Variants in CAMSAP3 observed in about 807,000 individuals in gnomAD.
CAMSAP3 encodes the protein calmodulin regulated spectrin associated protein family member 3, also known as calmodulin-regulated spectrin-associated protein 3.
CAMSAP3 carries 34 observed loss-of-function variants against 112.5 expected under a neutral mutation model. The ratio of observed to expected loss-of-function variants is 0.30; its 90% confidence interval spans 0.23 to 0.40. CAMSAP3 has a LOEUF of 0.40. CAMSAP3 is among the 10% of genes least tolerant of loss of function. CAMSAP3 has a pLI of 1.00. For synonymous variants in CAMSAP3, 868 were observed against 799.8 expected (o/e 1.09, Z -1.44); for missense variants, 1,602 against 1,770.3 (o/e 0.90, Z 1.71).
At chr19:7,603,645 C>T (rs182535184) in intron 1 of CAMSAP3, among the ~76,000 whole-genome samples, 55 of 151,940 alleles carry the variant, frequency 3.6e-4, no homozygotes, top group African/African-American at 1.3e-3. Flanking sequence ...CCAGGAAATT[C>T]GAAACCAGCC....
intron 11 of CAMSAP3, among the ~76,000 whole-genome samples, chr19:7,613,767 C>T (rs543886580): frequency 7.2e-5 from 11 of 152,146 alleles, no homozygotes; most frequent in South Asian, 4.1e-4. Flanking sequence ...TCCTTCACCC[C>T]CTCGCCCCCA....
chr19:7,617,827 A>T lies in CAMSAP3; in HGVS notation c.3520A>T (p.Thr1174Ser). ...GAGCTGCCAGTTCCGGGCGCTCTAC[A>T]CGCTGTCGGGGGAGACAGAGGAGCT... ...DSSCQFRALY[T>S]LSGETEELSR... The change falls in exon 17 of 17, where the codon ACG becomes TCG. Residue 1174 changes from threonine (T) to serine (S), a missense_variant. This residue lies in a region of CAMSAP3 where 150 missense variants were observed against 207.6 expected (regional missense o/e 0.72). Coordinates refer to ENST00000160298, the MANE Select transcript of CAMSAP3 (RefSeq NM_020902.2). The surrounding 1 kb of genome is among the most constrained non-coding windows in gnomAD (Gnocchi z 7.5). The T allele has an allele frequency of 1.2e-6, 2 of 1,613,894 alleles. No individual in the cohort carries two copies. Among genetic ancestry groups the T allele is most frequent in the Non-Finnish European group, 1.7e-6 (2 of 1,180,016 alleles).
intron 1 of CAMSAP3, among the ~76,000 whole-genome samples, chr19:7,597,838 G>T (rs1277269455): frequency 6.6e-6 from 1 of 152,156 alleles, no homozygotes; most frequent in East Asian, 1.9e-4. Context: ...AGGGGTGTTG[G>T]TGAGCTCCCA....
chr19:7,618,010 G>A lies in CAMSAP3; in HGVS notation c.3703G>A (p.Gly1235Ser). ...CACCATCCAGGGACACCTCTGGCAG[G>A]GCAAGAAACCCACCACTCCCAAGAA... ...AFTIQGHLWQ[G>S]KKPTTPKKGG... The change falls in exon 17 of 17, where the codon GGC (glycine) becomes AGC (serine). Residue 1235 changes from glycine to serine, a missense_variant. By Grantham distance (56) the Gly-to-Ser change is moderately conservative. Transcript: ENST00000160298. 1 of 1,614,026 alleles carries A rather than the reference G, an allele frequency of 6.2e-7. No individual in the cohort carries two copies. Among genetic ancestry groups the A allele is most frequent in the Middle Eastern group, 1.7e-4 (1 of 6,058 alleles).
At chr19:7,605,172 G>GTGTGTGTGTGTGTGTGTGTGTT in intron 1 of CAMSAP3, 54 bp from the exon 2 acceptor site, 1 of 1,236,422 alleles carries the variant, frequency 8.1e-7, no homozygotes, top group Non-Finnish European at 1.1e-6. Flanking sequence ...GTGTGTGTGT[G>GTGTGTGTGTGTGTGTGTGTGTT]TGTGTTGTAT....
chr19:7,605,275 G>T lies in CAMSAP3; in HGVS notation c.198G>T (p.Ala66=), dbSNP rs775060609. ...AGCCCTTCTATACCGACCAGTACGCGCAGGAGCATGTGAAGCCCCCGGTGA... is the reference window on the plus strand; with the variant it reads ...AGCCCTTCTATACCGACCAGTACGCTCAGGAGCATGTGAAGCCCCCGGTGA... ...LWEPFYTDQY[A]QEHVKPPVTR... The change falls in exon 2 of 17, where the codon GCG becomes GCT. Residue 66 remains alanine, a synonymous_variant. Transcript: ENST00000160298. 31 of 1,610,186 alleles carry T rather than the reference G, an allele frequency of 1.9e-5. No individual in the cohort carries two copies. Among genetic ancestry groups the T allele is most frequent in the Middle Eastern group, 1.7e-4 (1 of 6,048 alleles).
At chr19:7,602,062 A>G (rs2029993298) in intron 1 of CAMSAP3, among the ~76,000 whole-genome samples, 2 of 107,240 alleles carry the variant, frequency 1.9e-5, no homozygotes, top group South Asian at 4.7e-4. Flanking sequence ...AGATTGTCTC[A>G]AAAAAAAAAG....
Position 7,612,088 on chromosome 19 carries a change from G to C in CAMSAP3, c.1595G>C (p.Cys532Ser). The C allele has an allele frequency of 6.2e-7, 1 of 1,609,058 alleles. No individual in the cohort carries two copies. The highest frequency in any genetic ancestry group is 1.1e-5 in the South Asian group (1 of 90,994). Reference sequence around the variant, plus strand: ...GAGACCCCCTCGAAACCATCTCCCTGTCTGGTGGGGGAGGCATCGAAACCG... The same window carrying C: ...GAGACCCCCTCGAAACCATCTCCCTCTCTGGTGGGGGAGGCATCGAAACCG... ...HPETPSKPSP[C>S]LVGEASKPPA... The change falls in exon 11 of 17, where the codon TGT becomes TCT. Residue 532 changes from cysteine (C) to serine (S), a missense_variant. By Grantham distance (112) the Cys-to-Ser change is moderately radical. Coordinates refer to ENST00000160298, the MANE Select transcript of CAMSAP3 (RefSeq NM_020902.2).
chr19:7,600,855 CATCCATCCACCCACCCATTCATCCATTT>C (rs2029931373), intron 1 of CAMSAP3, among the ~76,000 whole-genome samples: 1 of 129,162 alleles, frequency 7.7e-6, no homozygotes, highest in African/African-American at 2.9e-5. Context: ...TTCATCCATC[CATCCATCCACCCACCCATTCATCCATTT>C]ATCCATCCAT....
intron 2 of CAMSAP3, 115 bp from the exon 3 acceptor site, chr19:7,606,156 A>ATACCC: frequency 4.4e-6 from 1 of 224,848 alleles, no homozygotes; most frequent in East Asian, 1.2e-4. Flanking sequence ...CTCAAGCCCC[A>ATACCC]CCCCCCCCGT....
chr19:7,611,056 G>A lies in CAMSAP3; in HGVS notation c.1050-39G>A. 6.2e-7 allele frequency: 1 copy of A among 1,611,102 alleles called. No individual in the cohort carries two copies. Among genetic ancestry groups the A allele is most frequent in the Non-Finnish European group, 8.5e-7 (1 of 1,177,720 alleles). On this transcript the variant is annotated intron_variant, in intron 8 of 16. Coordinates refer to ENST00000160298, the MANE Select transcript of CAMSAP3 (RefSeq NM_020902.2). This position sits in a 1 kb window ranked among gnomAD's most constrained non-coding sequence, Gnocchi z 6.9. ...CCCCCCGGGGAGAGGCGGAGGAGGA[G>A]GTGGGGGTCCTGAGGCTGAAGTACG...
Position 7,617,729 on chromosome 19 carries a change from C to G in CAMSAP3, c.3445-23C>G, listed in dbSNP as rs569691226. 1.2e-6 allele frequency: 2 copies of G among 1,612,184 alleles called. No individual in the cohort carries two copies. The highest frequency in any genetic ancestry group is 1.1e-5 in the South Asian group (1 of 90,998). On this transcript the variant is annotated intron_variant, in intron 16 of 16. Coordinates refer to ENST00000160298, the MANE Select transcript of CAMSAP3 (RefSeq NM_020902.2). The surrounding 1 kb of genome is among the most constrained non-coding windows in gnomAD (Gnocchi z 7.5). ...TGGGTGGCCTGACTTGGCCAGCTGA[C>G]CATTTCCAGCACTCCTGCCCAGGAA...
chr19:7,614,070 G>C (rs2030646930), intron 11 of CAMSAP3, among the ~76,000 whole-genome samples: 1 of 151,858 alleles, frequency 6.6e-6, no homozygotes, highest in African/African-American at 2.4e-5. Context: ...GACCATCCTG[G>C]CTAACATGGT....
rs780550825 is a variant in CAMSAP3 at position 7,616,533 on chromosome 19, G to A, written c.3123G>A (p.Leu1041=). Residue 1041 remains leucine, a synonymous_variant, in exon 14 of 17, where the codon CTG becomes CTA. Transcript: ENST00000160298. ...SPARGLLGSR[L]SKIYSQSTLS... ...AATCTCTGTCCCCAGGCTCTCGGCT[G>A]AGCAAAATCTATTCCCAGTCCACCC... 3.1e-6 allele frequency: 5 copies of A among 1,613,186 alleles called. No individual in the cohort carries two copies. The East Asian group carries it at 6.7e-5, about 22-fold the overall frequency.
intron 1 of CAMSAP3, among the ~76,000 whole-genome samples, chr19:7,603,406 G>A (rs952668525): frequency 7.2e-5 from 11 of 151,884 alleles, no homozygotes; most frequent in Admixed American, 5.2e-4. Context: ...GTAGAGATGG[G>A]GTTTCACCAT....
In CAMSAP3 at chr19:7,610,346, C is replaced by G; in HGVS notation, c.761-130C>G. ...AAAAAAAAAAAAAGAATTCACCTCT[C>G]GAAGGGCACCTGGCAGAAGCTGGGC... On this transcript the variant is annotated intron_variant, in intron 5 of 16. Transcript: ENST00000160298. The surrounding 1 kb of genome is among the most constrained non-coding windows in gnomAD (Gnocchi z 4.9). The G allele has an allele frequency of 2.6e-6, 2 of 768,116 alleles. No homozygotes were observed. Among genetic ancestry groups the G allele is most frequent in the Non-Finnish European group, 4.2e-6 (2 of 477,810 alleles). 47.6% of individuals were successfully genotyped at this position (768,116 alleles called of 1,614,324 possible).
chr19:7,607,958 T>G lies in CAMSAP3; in HGVS notation c.622-168T>G, dbSNP rs2030301724. The stretch of plus-strand genomic sequence containing the variant: ...TGCTCGAAGACATCTCCTCTGCCTC[T>G]TGCTGCTGCCCCTCCCCTGCTCCAG... On this transcript the variant is annotated intron_variant, in intron 4 of 16. Coordinates refer to ENST00000160298, the MANE Select transcript of CAMSAP3 (RefSeq NM_020902.2). This position sits in a 1 kb window ranked among gnomAD's most constrained non-coding sequence, Gnocchi z 4.9. 1 of 877,286 alleles carries G rather than the reference T, an allele frequency of 1.1e-6. No individual in the cohort carries two copies. The highest frequency in any genetic ancestry group is 1.7e-5 in the African/African-American group (1 of 58,904). 54.3% of individuals were successfully genotyped at this position (877,286 alleles called of 1,614,324 possible).
chr19:7,611,256 C>A lies in CAMSAP3; in HGVS notation c.1123+88C>A. 2 of 1,315,202 alleles carry A rather than the reference C, an allele frequency of 1.5e-6. No homozygotes were observed. The highest frequency in any genetic ancestry group is 2.2e-6 in the Non-Finnish European group (2 of 921,216). The allele number at this position is 1,315,202 out of a possible 1,614,324, so 81.5% of individuals were successfully genotyped here. On this transcript the variant is annotated intron_variant, in intron 9 of 16. Transcript: ENST00000160298. This position sits in a 1 kb window ranked among gnomAD's most constrained non-coding sequence, Gnocchi z 6.9. ...GGCCTCATGTTGTCTCCTCGTGAGC[C>A]TTCCAATAGCCTCTCCATCAGATCC...
Position 7,608,144 on chromosome 19 carries a change from C to G in CAMSAP3, c.640C>G (p.Arg214Gly). Reference sequence around the variant, plus strand: ...TCTGCAGATCCGATACCGCAAGGACCGTGTGGTGGCGCGACGTGCCCCCTG... The same window carrying G: ...TCTGCAGATCCGATACCGCAAGGACGGTGTGGTGGCGCGACGTGCCCCCTG... ...AQPSIRYRKD[R>G]VVARRAPCFP... Residue 214 changes from arginine to glycine, a missense_variant, in exon 5 of 17, where the codon CGT becomes GGT. Coordinates refer to ENST00000160298, the MANE Select transcript of CAMSAP3 (RefSeq NM_020902.2). The G allele has an allele frequency of 6.2e-7, 1 of 1,611,638 alleles. No individual in the cohort carries two copies. The highest frequency in any genetic ancestry group is 2.2e-5 in the East Asian group (1 of 44,882).
Sources: gnomAD v4.1 joint callset for allele counts (sites outside exome capture counted in the v4.1 genomes callset) on GRCh38, gnomAD v4.1.1 for gene constraint, gnomAD v4.1.1 regional missense constraint, Gnocchi (gnomAD v3.1) non-coding constraint, MANE v1.5 for transcripts, NCBI Gene and HGNC (gene_info 2026-07-23, HGNC 2026-07-21) for gene names.